Variants in CNTNAP5 observed in about 807,000 individuals in gnomAD.
CNTNAP5 encodes the protein contactin-associated protein-like 5.
A neutral mutation model predicts 150.2 loss-of-function variants in CNTNAP5; 72 were observed. The observed-to-expected ratio is 0.48, with a 90% CI of 0.40 to 0.58. The LOEUF is 0.58. CNTNAP5 is among the 20% of genes least tolerant of loss of function. The pLI is 0.00. For missense variants in CNTNAP5, 1,636 were observed against 1,626.2 expected, an observed-to-expected ratio of 1.01 and a Z score of -0.10; for synonymous variants, 672 against 619.8, an observed-to-expected ratio of 1.08 and a Z score of -1.25.
At position 124,920,930 on chromosome 2, in the gene CNTNAP5, T is replaced by C. The variant is rs1678859221; in HGVS notation, c.*6642T>C. On this transcript the variant is annotated 3_prime_UTR_variant, in exon 24 of 24. Coordinates refer to ENST00000682447, the MANE Select transcript of CNTNAP5 (RefSeq NM_001367498.1). The stretch of plus-strand genomic sequence containing the variant: ...TACACATATGTCAGACTCTTTATTA[T>C]GGTAAAAGCACAAAACAGGTCATCT... Among the ~76,000 whole-genome samples the C allele has an allele frequency of 6.6e-6, 1 of 152,108 alleles. No homozygotes were observed. The highest frequency in any genetic ancestry group is 1.5e-5 in the Non-Finnish European group (1 of 68,010).
intron 1 of CNTNAP5, among the ~76,000 whole-genome samples, chr2:124,042,454 G>C (rs1157079087): frequency 2.0e-5 from 3 of 152,140 alleles, no homozygotes; most frequent in African/African-American, 7.2e-5. Context: ...TGGCCTGGCT[G>C]TACTGTCCTC....
chr2:124,183,364 T>C (rs915390226), intron 1 of CNTNAP5, among the ~76,000 whole-genome samples: 1 of 152,208 alleles, frequency 6.6e-6, no homozygotes, highest in Non-Finnish European at 1.5e-5. Flanking sequence ...AAACCTTTAA[T>C]GGTTTTCCAT....
rs146903101 is a variant in CNTNAP5, at chr2:124,229,209, T to G, written c.187+7400T>G. On this transcript the variant is annotated intron_variant, in intron 2 of 23. Coordinates refer to ENST00000682447, the MANE Select transcript of CNTNAP5 (RefSeq NM_001367498.1). ...AAAATGTGCTGGGCAAATGTTAACC[T>G]ATGAGCTCCCCCAACCCTAGGTAAA... 1.5e-3 allele frequency among the ~76,000 whole-genome samples: 229 copies of G among 152,204 alleles called. 1 individual carries two copies. The highest frequency in any genetic ancestry group is 6.8e-3 in the Middle Eastern group (2 of 294).
chr2:124,411,421 A>G (rs372725295), intron 3 of CNTNAP5, among the ~76,000 whole-genome samples: 1 of 151,992 alleles, frequency 6.6e-6, no homozygotes, highest in East Asian at 1.9e-4. Flanking sequence ...CAGAGACACA[A>G]CCAAAAAAGA....
chr2:124,730,302 G>C (rs184539855), intron 13 of CNTNAP5, among the ~76,000 whole-genome samples: 1 of 151,698 alleles, frequency 6.6e-6, no homozygotes, highest in Non-Finnish European at 1.5e-5. Context: ...ATGGTGTTTC[G>C]TGTAGTATAC....
intron 21 of CNTNAP5, among the ~76,000 whole-genome samples, chr2:124,881,670 A>G (rs181826459): frequency 6.6e-6 from 1 of 152,254 alleles, no homozygotes; most frequent in Non-Finnish European, 1.5e-5. Context: ...CGATGTCCAC[A>G]GTAGTCCACA....
intron 16 of CNTNAP5, among the ~76,000 whole-genome samples, chr2:124,772,033 C>T (rs1001008205): frequency 6.6e-6 from 1 of 151,332 alleles, no homozygotes; most frequent in Non-Finnish European, 1.5e-5. Context: ...CACCACCACC[C>T]CCATCAGCAC....
intron 2 of CNTNAP5, among the ~76,000 whole-genome samples, chr2:124,223,350 C>A (rs1686375574): frequency 6.6e-6 from 1 of 152,158 alleles, no homozygotes; most frequent in South Asian, 2.1e-4. Flanking sequence ...TGACTGTGCA[C>A]AAGTCACTTA....
chr2:124,030,659 A>G (rs185825644), intron 1 of CNTNAP5, among the ~76,000 whole-genome samples: 1 of 151,564 alleles, frequency 6.6e-6, no homozygotes, highest in Non-Finnish European at 1.5e-5. Flanking sequence ...ATCTAAAAGA[A>G]AAAAAAAATG....
chr2:124,285,294 C>A (rs1185878593), intron 3 of CNTNAP5, among the ~76,000 whole-genome samples: 1 of 152,146 alleles, frequency 6.6e-6, no homozygotes, highest in Non-Finnish European at 1.5e-5. Flanking sequence ...CCCTCCCTTT[C>A]TACTCTTGGG....
chr2:124,237,294 T>C (rs900636947), intron 2 of CNTNAP5, among the ~76,000 whole-genome samples: 1 of 152,154 alleles, frequency 6.6e-6, no homozygotes, highest in African/African-American at 2.4e-5. Flanking sequence ...ATAATCCATT[T>C]TGTGCCCATT....
intron 12 of CNTNAP5, among the ~76,000 whole-genome samples, chr2:124,628,159 A>C (rs1677770325): frequency 6.6e-6 from 1 of 152,222 alleles, no homozygotes; most frequent in Non-Finnish European, 1.5e-5. Context: ...ATCATCCGGG[A>C]GGACTTCCCC....
At chr2:124,850,837 A>T (rs1683139273) in intron 19 of CNTNAP5, among the ~76,000 whole-genome samples, 2 of 152,302 alleles carry the variant, frequency 1.3e-5, no homozygotes, top group East Asian at 3.9e-4. Context: ...ACTGTATTGA[A>T]TACTAATAAA....
At chr2:124,206,708 C>T (rs1388279701) in intron 1 of CNTNAP5, among the ~76,000 whole-genome samples, 1 of 152,178 alleles carries the variant, frequency 6.6e-6, no homozygotes, top group Non-Finnish European at 1.5e-5. Flanking sequence ...AAATTATAAT[C>T]TACATTTTTG....
intron 2 of CNTNAP5, among the ~76,000 whole-genome samples, chr2:124,240,978 T>C (rs1292011332): frequency 6.6e-6 from 1 of 152,100 alleles, no homozygotes; most frequent in East Asian, 1.9e-4. Context: ...TGACATAGAT[T>C]GAAAGAAAAA....
intron 1 of CNTNAP5, among the ~76,000 whole-genome samples, chr2:124,077,909 C>A (rs1042334653): frequency 6.6e-6 from 1 of 152,170 alleles, no homozygotes; most frequent in Admixed American, 6.5e-5. Flanking sequence ...CCATTAAACA[C>A]AATGAGGGCA....
intron 10 of CNTNAP5, among the ~76,000 whole-genome samples, chr2:124,530,983 A>G (rs144150666): frequency 1.3e-5 from 2 of 152,226 alleles, no homozygotes; most frequent in African/African-American, 4.8e-5. Context: ...TTTCAGGATG[A>G]TTCAAGCACA....
chr2:124,846,527 T>C (rs924423665), intron 19 of CNTNAP5, among the ~76,000 whole-genome samples: 1 of 152,212 alleles, frequency 6.6e-6, no homozygotes, highest in African/African-American at 2.4e-5. Context: ...CTCTGATGCC[T>C]CCTTGATTAG....
chr2:124,705,284 T>C (rs1679610284), intron 13 of CNTNAP5, among the ~76,000 whole-genome samples: 1 of 152,130 alleles, frequency 6.6e-6, no homozygotes, highest in African/African-American at 2.4e-5. Context: ...TCCCAGCACT[T>C]TGGGAGGCCG....
Sources: gnomAD v4.1 joint callset for allele counts (sites outside exome capture counted in the v4.1 genomes callset) on GRCh38, gnomAD v4.1.1 for gene constraint, MANE v1.5 for transcripts, NCBI Gene and HGNC (gene_info 2026-07-23, HGNC 2026-07-21) for gene names.